Variants in EPHA3 observed in about 807,000 individuals in gnomAD.
The protein encoded by EPHA3 is ephrin type-A receptor 3.
In EPHA3, 42 loss-of-function variants were observed where a neutral mutation model predicts 107.1. The observed-to-expected ratio is 0.39, with a 90% CI of 0.31 to 0.51. The LOEUF is 0.51. Among genes scored for constraint, EPHA3 ranks in the 20% least tolerant of loss-of-function variants. EPHA3 has a pLI of 0.78. For missense variants in EPHA3, 1,183 were observed against 1,211.2 expected (o/e 0.98, Z 0.35); for synonymous variants, 461 against 424.8 (o/e 1.09, Z -1.05).
chr3:89,371,498 A>C (rs1489634113), intron 5 of EPHA3, among the ~76,000 whole-genome samples: 3 of 151,714 alleles, frequency 2.0e-5, no homozygotes, highest in Non-Finnish European at 4.4e-5. Flanking sequence ...AAATGATAGG[A>C]CAAGATAATG....
intron 3 of EPHA3, among the ~76,000 whole-genome samples, chr3:89,246,813 T>A (rs973705310): frequency 2.6e-5 from 4 of 152,324 alleles, no homozygotes; most frequent in African/African-American, 9.6e-5. Context: ...TCTTTTTTTT[T>A]ATTTTGCTCC....
At chr3:89,324,212 G>A (rs1300853978) in intron 3 of EPHA3, among the ~76,000 whole-genome samples, 4 of 146,974 alleles carry the variant, frequency 2.7e-5, no homozygotes, top group Non-Finnish European at 4.4e-5. Flanking sequence ...CTGTCACCCA[G>A]GCTGGAGTAC....
At chr3:89,324,448 T>C (rs9862638) in intron 3 of EPHA3, among the ~76,000 whole-genome samples, 72,905 of 151,848 alleles carry the variant, frequency 0.48, 17,929 homozygotes, top group African/African-American at 0.56. Context: ...TGGCTCACGC[T>C]TGTGCTGGGA....
At chr3:89,179,824 T>C (rs1427424259) in intron 2 of EPHA3, among the ~76,000 whole-genome samples, 2 of 152,014 alleles carry the variant, frequency 1.3e-5, no homozygotes, top group Admixed American at 1.3e-4. Context: ...GGGTTTCATT[T>C]GTGCTTAGTG....
At chr3:89,212,023 AC>A (rs1294977356) in intron 3 of EPHA3, among the ~76,000 whole-genome samples, 1 of 151,962 alleles carries the variant, frequency 6.6e-6, no homozygotes. Context: ...GGTAAAGAGT[AC>A]TTATTACAAT....
In EPHA3 at chr3:89,347,026, T is replaced by G. The variant is rs1164163289; in HGVS notation, c.1306+4936T>G. Reference sequence around the variant, plus strand: ...TGCTGTTTTGGTTACTGTAGCCTTGTAGTATAGTTTGAAGTCAGGTAGTGT... The same window carrying G: ...TGCTGTTTTGGTTACTGTAGCCTTGGAGTATAGTTTGAAGTCAGGTAGTGT... On this transcript the variant is annotated intron_variant, in intron 5 of 16. Transcript: ENST00000336596. Among the ~76,000 whole-genome samples the G allele has an allele frequency of 9.8e-4, 140 of 142,756 alleles. 2 individuals are homozygous for G. The highest frequency in any genetic ancestry group is 3.2e-3 in the East Asian group (16 of 5,056). The allele number at this position is 142,756 out of a possible 152,430, so 93.7% of individuals were successfully genotyped here.
chr3:89,202,528 AAAAAAAATATAT>A (rs1357822156), intron 2 of EPHA3, among the ~76,000 whole-genome samples: 489 of 34,206 alleles, frequency 0.014, 4 homozygotes, highest in Middle Eastern at 0.13. Context: ...AAAAAAAAAA[AAAAAAAATATAT>A]ATATATATAT....
At chr3:89,351,584 G>T (rs183558881) in intron 5 of EPHA3, among the ~76,000 whole-genome samples, 2 of 151,134 alleles carry the variant, frequency 1.3e-5, no homozygotes, top group South Asian at 2.1e-4. Context: ...CTTCTGCGTC[G>T]CTCACGCTGG....
intron 3 of EPHA3, among the ~76,000 whole-genome samples, chr3:89,277,989 G>T (rs148518951): frequency 1.8e-4 from 28 of 152,154 alleles, no homozygotes; most frequent in African/African-American, 6.3e-4. Flanking sequence ...CCTGAGGTTT[G>T]TCTCAAATGT....
At chr3:89,233,801 C>G (rs1704691095) in intron 3 of EPHA3, among the ~76,000 whole-genome samples, 1 of 152,110 alleles carries the variant, frequency 6.6e-6, no homozygotes, top group African/African-American at 2.4e-5. Context: ...TGGAAAAGCT[C>G]TGTGGTATGT....
intron 3 of EPHA3, among the ~76,000 whole-genome samples, chr3:89,249,610 G>A (rs1466828452): frequency 2.0e-5 from 3 of 151,944 alleles, no homozygotes; most frequent in African/African-American, 4.8e-5. Context: ...ACAGTCGTAT[G>A]CCACCATGCC....
intron 3 of EPHA3, among the ~76,000 whole-genome samples, chr3:89,320,786 A>T (rs1393418030): frequency 6.6e-6 from 1 of 152,086 alleles, no homozygotes; most frequent in East Asian, 1.9e-4. Flanking sequence ...TTACTGAAAT[A>T]TTCAAAATGT....
chr3:89,184,393 G>A (rs1705513983), intron 2 of EPHA3, among the ~76,000 whole-genome samples: 1 of 151,954 alleles, frequency 6.6e-6, no homozygotes, highest in African/African-American at 2.4e-5. Context: ...GTGTTTGAAA[G>A]GCCTCCATTC....
At chr3:89,157,908 G>T (rs1331253276) in intron 2 of EPHA3, among the ~76,000 whole-genome samples, 2 of 151,546 alleles carry the variant, frequency 1.3e-5, no homozygotes, top group African/African-American at 4.8e-5. Flanking sequence ...AGAGTTAATG[G>T]GCAGGGCTGA....
intron 5 of EPHA3, among the ~76,000 whole-genome samples, chr3:89,372,338 T>C (rs2107472945): frequency 6.6e-6 from 1 of 151,832 alleles, no homozygotes; most frequent in East Asian, 1.9e-4. Context: ...ATGGAGACTA[T>C]TGGTTACTTC....
At chr3:89,358,842 A>C (rs1207189572) in intron 5 of EPHA3, among the ~76,000 whole-genome samples, 1 of 151,334 alleles carries the variant, frequency 6.6e-6, no homozygotes, top group African/African-American at 2.4e-5. Flanking sequence ...GCTTTAAGTT[A>C]TGTACAAATT....
At chr3:89,278,419 A>T (rs1167299435) in intron 3 of EPHA3, among the ~76,000 whole-genome samples, 3 of 152,124 alleles carry the variant, frequency 2.0e-5, no homozygotes, top group Non-Finnish European at 4.4e-5. Flanking sequence ...TACTAACTTC[A>T]TTAAATGAAA....
chr3:89,408,707 A>G (rs1401181653), intron 9 of EPHA3, among the ~76,000 whole-genome samples: 2 of 152,238 alleles, frequency 1.3e-5, no homozygotes, highest in East Asian at 1.9e-4. Flanking sequence ...AGTGTTTACA[A>G]CTAACAAAAA....
chr3:89,332,823 A>G (rs1559650463), intron 3 of EPHA3, among the ~76,000 whole-genome samples: 1 of 152,200 alleles, frequency 6.6e-6, no homozygotes, highest in Non-Finnish European at 1.5e-5. Context: ...GAATACTAAA[A>G]GAGACCTATT....
Sources: allele counts gnomAD v4.1 joint callset (sites outside exome capture counted in the v4.1 genomes callset), GRCh38; gene constraint gnomAD v4.1.1; transcripts MANE v1.5; gene names NCBI Gene and HGNC (gene_info 2026-07-23, HGNC 2026-07-21).